Variants in NCOA3 observed in about 807,000 individuals in gnomAD.
NCOA3 encodes CBP-interacting protein.
A neutral mutation model predicts 158.8 loss-of-function variants in NCOA3; 51 were observed. The ratio of observed to expected loss-of-function variants is 0.32; its 90% CI spans 0.26 to 0.41. NCOA3 has a LOEUF of 0.41. Among genes scored for constraint, NCOA3 ranks in the 10% least tolerant of loss-of-function variants. NCOA3 has a pLI of 1.00. For synonymous variants in NCOA3, 537 were observed against 592.4 expected (o/e 0.91, Z 1.36); for missense variants, 1,510 against 1,746.6 (o/e 0.86, Z 2.41).
intron 1 of NCOA3, among the ~76,000 whole-genome samples, chr20:47,579,999 G>T (rs997774663): frequency 1.4e-4 from 21 of 152,056 alleles, no homozygotes; most frequent in African/African-American, 4.8e-4. Context: ...TTATTCATTC[G>T]CTGTTCCTCA....
At chr20:47,626,199 G>A (rs72645248) in intron 5 of NCOA3, among the ~76,000 whole-genome samples, 10,321 of 152,254 alleles carry the variant, frequency 0.068, 448 homozygotes, top group Non-Finnish European at 0.097. Flanking sequence ...TTGTTTAGGG[G>A]CTGAAGCCCT....
intron 1 of NCOA3, among the ~76,000 whole-genome samples, chr20:47,575,120 T>C (rs1223371780): frequency 6.6e-6 from 1 of 152,170 alleles, no homozygotes; most frequent in Non-Finnish European, 1.5e-5. Context: ...TGCTAGAGCC[T>C]AGTTTGCCTG....
At chr20:47,652,847 A>G (rs1206645577) in intron 21 of NCOA3, 84 bp from the exon 22 acceptor site, 3 of 1,458,616 alleles carry the variant, frequency 2.1e-6, no homozygotes, top group Non-Finnish European at 2.8e-6. Context: ...GCAATGTTTG[A>G]CACAATTGTA....
At chr20:47,627,280 G>T (rs1365052160) in intron 6 of NCOA3, 104 bp downstream of exon 6, 9 of 954,190 alleles carry the variant, frequency 9.4e-6, no homozygotes, top group Non-Finnish European at 1.2e-5. Flanking sequence ...TCAAATGAGG[G>T]TAGAAAGGCA....
chr20:47,526,149 C>A lies in NCOA3; in HGVS notation c.-99+24130C>A, dbSNP rs547846995. ...GGCGGCAGGGCAGAGGTGCTCCCCA[C>A]ATCTCAGACGATGGGCGGCCGGGCA... On this transcript the variant is annotated intron_variant, in intron 1 of 22. Coordinates refer to ENST00000371998, the MANE Select transcript of NCOA3 (RefSeq NM_181659.3). Among the ~76,000 whole-genome samples, 58 of 150,878 alleles carry A rather than the reference C, an allele frequency of 3.8e-4. 1 individual carries two copies. The South Asian group carries it at 0.01, about 26-fold the overall frequency.
At chr20:47,537,044 T>C (rs2084645479) in intron 1 of NCOA3, among the ~76,000 whole-genome samples, 1 of 151,682 alleles carries the variant, frequency 6.6e-6, no homozygotes, top group East Asian at 1.9e-4. Flanking sequence ...CTCCTGACCT[T>C]GTGATCCATC....
At chr20:47,521,362 A>G (rs1290563697) in intron 1 of NCOA3, among the ~76,000 whole-genome samples, 4 of 151,540 alleles carry the variant, frequency 2.6e-5, no homozygotes, top group Non-Finnish European at 4.4e-5. Context: ...TTTTTTTCTC[A>G]GCAAGGCAAT....
chr20:47,563,230 T>A (rs1270754052), intron 1 of NCOA3, among the ~76,000 whole-genome samples: 1 of 152,198 alleles, frequency 6.6e-6, no homozygotes, highest in African/African-American at 2.4e-5. Flanking sequence ...GCTTAAAAAG[T>A]TTTTTGGTGG....
Position 47,634,134 on chromosome 20 carries a change from C to T in NCOA3, c.1051C>T (p.Leu351Phe). 1 of 1,614,206 alleles carries T rather than the reference C, an allele frequency of 6.2e-7. No individual in the cohort carries two copies. The highest frequency in any genetic ancestry group is 8.5e-7 in the Non-Finnish European group (1 of 1,180,030). The change falls in exon 10 of 23, where the codon CTC becomes TTC. Residue 351 changes from leucine (L) to phenylalanine (F), a missense_variant. Physicochemically the swap from Leu to Phe is conservative, Grantham distance 22. Around this residue, in one of 4 missense-constraint regions of NCOA3, gnomAD observed 1,017 missense variants for 1,098.3 expected, o/e 0.93. Transcript: ENST00000371998. Reference sequence around the variant, plus strand: ...AGTGACTGCACAGACAAAAAGCAAACTCTTCCGAAATCCTGTAACAAATGA... The same window carrying T: ...AGTGACTGCACAGACAAAAAGCAAATTCTTCCGAAATCCTGTAACAAATGA... Reference protein sequence around the residue: ...TIVTAQTKSKLFRNPVTNDRH... With the variant: ...TIVTAQTKSKFFRNPVTNDRH...
intron 1 of NCOA3, among the ~76,000 whole-genome samples, chr20:47,528,770 C>CT (rs1178121293): frequency 6.6e-6 from 1 of 152,012 alleles, no homozygotes; most frequent in Non-Finnish European, 1.5e-5. Context: ...TACCTGGACA[C>CT]TTTTTTTTCT....
intron 1 of NCOA3, among the ~76,000 whole-genome samples, chr20:47,557,577 A>C (rs774347090): frequency 2.0e-5 from 3 of 152,228 alleles, no homozygotes; most frequent in Non-Finnish European, 4.4e-5. Context: ...AAATAGGTGC[A>C]TATATACAAA....
intron 1 of NCOA3, among the ~76,000 whole-genome samples, chr20:47,580,955 G>C (rs1250516864): frequency 6.6e-6 from 1 of 152,044 alleles, no homozygotes; most frequent in Non-Finnish European, 1.5e-5. Flanking sequence ...ATAAAAATTA[G>C]CTGGGTATGA....
chr20:47,545,129 A>G (rs1055434949), intron 1 of NCOA3, among the ~76,000 whole-genome samples: 1 of 141,928 alleles, frequency 7.0e-6, no homozygotes, highest in African/African-American at 2.8e-5. Context: ...TCTTTGAGCA[A>G]TGTAGCTTTT....
At chr20:47,586,290 G>A (rs754072001) in intron 2 of NCOA3, among the ~76,000 whole-genome samples, 1 of 152,116 alleles carries the variant, frequency 6.6e-6, no homozygotes, top group South Asian at 2.1e-4. Context: ...ATAGTATAAA[G>A]AACATCTGGA....
At chr20:47,530,461 CT>C (rs11483053) in intron 1 of NCOA3, among the ~76,000 whole-genome samples, 3,617 of 129,334 alleles carry the variant, frequency 0.028, 84 homozygotes, top group African/African-American at 0.097. Context: ...AATGATTTAA[CT>C]TTTTTTTTTT....
At chr20:47,575,896 C>T (rs1403422976) in intron 1 of NCOA3, among the ~76,000 whole-genome samples, 1 of 152,184 alleles carries the variant, frequency 6.6e-6, no homozygotes, top group Admixed American at 6.5e-5. Context: ...TCAAAGGCAT[C>T]TAGTTTTTAA....
intron 1 of NCOA3, among the ~76,000 whole-genome samples, chr20:47,534,904 G>C (rs1261290167): frequency 3.3e-5 from 5 of 151,930 alleles, no homozygotes; most frequent in Non-Finnish European, 7.4e-5. Context: ...GACAGAGTGA[G>C]ACTCCATCTC....
At chr20:47,577,927 T>C (rs1004265794) in intron 1 of NCOA3, among the ~76,000 whole-genome samples, 2 of 152,246 alleles carry the variant, frequency 1.3e-5, no homozygotes, top group African/African-American at 4.8e-5. Flanking sequence ...TCACAAGATA[T>C]GTGGTAATAC....
intron 1 of NCOA3, among the ~76,000 whole-genome samples, chr20:47,510,563 A>T (rs1188469977): frequency 2.6e-5 from 4 of 152,006 alleles, no homozygotes; most frequent in Non-Finnish European, 4.4e-5. Flanking sequence ...TTTCCCCCAA[A>T]TCACAATATA....
Sources: allele counts gnomAD v4.1 joint callset (sites outside exome capture counted in the v4.1 genomes callset), GRCh38; gene constraint gnomAD v4.1.1; regional missense constraint gnomAD v4.1.1; transcripts MANE v1.5; gene names NCBI Gene and HGNC (gene_info 2026-07-23, HGNC 2026-07-21).